The following CREB3L2 variants were observed in gnomAD, a reference collection of about 807,000 sequenced individuals.
CREB3L2 encodes the protein cAMP responsive element binding protein 3 like 2, also known as cyclic AMP-responsive element-binding protein 3-like protein 2.
CREB3L2 carries 23 observed loss-of-function variants against 57.2 expected under a neutral mutation model. The observed-to-expected ratio is 0.40, with a 90% CI of 0.29 to 0.57. The LOEUF (loss-of-function observed/expected upper bound fraction) is 0.57, where lower values mean the gene tolerates loss of function less well. Among genes scored for constraint, CREB3L2 ranks in the 20% least tolerant of loss-of-function variants. The pLI is 0.42. For synonymous variants in CREB3L2, 268 were observed against 265.1 expected (o/e 1.01, Z -0.11); for missense variants, 628 against 634.7 (o/e 0.99, Z 0.11).
intron 1 of CREB3L2, among the ~76,000 whole-genome samples, chr7:137,958,304 C>T (rs948417345): frequency 6.6e-6 from 1 of 152,100 alleles, no homozygotes; most frequent in Non-Finnish European, 1.5e-5. Flanking sequence ...GGAGACAAAC[C>T]ACTGAGATCC....
chr7:137,879,498 GCT>G lies in CREB3L2; in HGVS notation c.*976_*977del, dbSNP rs1799239282. 1 of 329,042 alleles carries G rather than the reference GCT, an allele frequency of 3.0e-6. No individual in the cohort carries two copies. Among genetic ancestry groups the G allele is most frequent in the African/African-American group, 2.1e-5 (1 of 47,210 alleles). 20.4% of individuals were successfully genotyped at this position (329,042 alleles called of 1,614,324 possible). On this transcript the variant is annotated 3_prime_UTR_variant, in exon 12 of 12. Transcript: ENST00000330387. ...TGAGTGAGGCATTGTGTCATCTCTC[GCT>G]CTGAGCTCATCCTAGAGGCAGACAC...
intron 1 of CREB3L2, among the ~76,000 whole-genome samples, chr7:137,936,547 T>A (rs1444348360): frequency 2.6e-5 from 4 of 152,188 alleles, no homozygotes; most frequent in Non-Finnish European, 4.4e-5. Flanking sequence ...TCACCTTTTT[T>A]AAATTCTTAG....
intron 8 of CREB3L2, among the ~76,000 whole-genome samples, chr7:137,890,001 C>A (rs1249907063): frequency 2.0e-5 from 3 of 152,136 alleles, no homozygotes; most frequent in Non-Finnish European, 4.4e-5. Flanking sequence ...CAATAACCTA[C>A]TAAAATTAAT....
chr7:137,927,776 GTTCT>G (rs71998564), intron 2 of CREB3L2, among the ~76,000 whole-genome samples: 1,143 of 109,648 alleles, frequency 0.01, 9 homozygotes, highest in South Asian at 0.046. Context: ...TAGAGGAATA[GTTCT>G]TTCTCAGAAA....
In CREB3L2 at chr7:137,877,126, C is replaced by T. The variant is rs1799172155; in HGVS notation, c.*3350G>A. The T allele has an allele frequency of 8.7e-6, 2 of 228,712 alleles. No homozygotes were observed. The highest frequency in any genetic ancestry group is 4.4e-5 in the African/African-American group (2 of 45,140). The allele number at this position is 228,712 out of a possible 1,614,324, so 14.2% of individuals were successfully genotyped here. On this transcript the variant is annotated 3_prime_UTR_variant, in exon 12 of 12. Transcript: ENST00000330387. ...CCAGAACAAAGAAGAGCCAATTCAA[C>T]ATCCCAACTTTACGGGCACGTAAGA...
At chr7:137,881,647 A>G (rs1251387909) in intron 11 of CREB3L2, among the ~76,000 whole-genome samples, 1 of 152,254 alleles carries the variant, frequency 6.6e-6, no homozygotes, top group Non-Finnish European at 1.5e-5. Flanking sequence ...TCCCATTTAC[A>G]TCGGAACGGC....
chr7:137,878,529 G>A lies in CREB3L2; in HGVS notation c.*1947C>T, dbSNP rs974004920. The A allele has an allele frequency of 3.0e-5, 7 of 233,442 alleles. No homozygotes were observed. Among genetic ancestry groups the A allele is most frequent in the Admixed American group, 5.6e-5 (1 of 17,780 alleles). The allele number at this position is 233,442 out of a possible 1,614,324, so 14.5% of individuals were successfully genotyped here. A position where few individuals can be genotyped will look rare whatever the true frequency, so the allele number is the denominator to read the frequency against. On this transcript the variant is annotated 3_prime_UTR_variant, in exon 12 of 12. Coordinates refer to ENST00000330387, the MANE Select transcript of CREB3L2 (RefSeq NM_194071.4). ...TCTGGGCTGCAGACAGTGGAGCAGA[G>A]AGAAGCAGAAGCAGAACCTACTAGC...
intron 9 of CREB3L2, 23 bp from the exon 10 acceptor site, chr7:137,885,144 A>G: frequency 1.2e-6 from 2 of 1,613,042 alleles, no homozygotes; most frequent in South Asian, 1.1e-5. Flanking sequence ...AAGAGGGGAG[A>G]GAGAACACGA....
chr7:137,977,399 A>T (rs1801627085), intron 1 of CREB3L2, among the ~76,000 whole-genome samples: 2 of 152,244 alleles, frequency 1.3e-5, no homozygotes, highest in Admixed American at 1.3e-4. Context: ...ATTATAAAAT[A>T]AGACTGTGGG....
chr7:137,875,345 C>A lies in CREB3L2; in HGVS notation c.*5131G>T. Reference sequence around the variant, plus strand: ...AAAGAGTGCTGGTGTTCTCTATGAACTCATAAACTGTTTTATCTGAAAAGG... The same window carrying A: ...AAAGAGTGCTGGTGTTCTCTATGAAATCATAAACTGTTTTATCTGAAAAGG... On this transcript the variant is annotated 3_prime_UTR_variant, in exon 12 of 12. Coordinates refer to ENST00000330387, the MANE Select transcript of CREB3L2 (RefSeq NM_194071.4). 1 of 218,694 alleles carries A rather than the reference C, an allele frequency of 4.6e-6. No homozygotes were observed. The highest frequency in any genetic ancestry group is 6.8e-5 in the East Asian group (1 of 14,766). 13.5% of individuals were successfully genotyped at this position (218,694 alleles called of 1,614,324 possible). A position where few individuals can be genotyped will look rare whatever the true frequency, so the allele number is the denominator to read the frequency against.
At chr7:137,975,359 C>G (rs73458446) in intron 1 of CREB3L2, among the ~76,000 whole-genome samples, 6,701 of 152,198 alleles carry the variant, frequency 0.044, 215 homozygotes, top group African/African-American at 0.084. Context: ...TTGCAGAACC[C>G]ACAAATGAGT....
chr7:138,000,292 G>A (rs925004314), intron 1 of CREB3L2, among the ~76,000 whole-genome samples: 1 of 152,230 alleles, frequency 6.6e-6, no homozygotes, highest in Non-Finnish European at 1.5e-5. Flanking sequence ...CATACTCCAA[G>A]TTCTTTACTG....
At position 138,001,215 on chromosome 7, in the gene CREB3L2, T is replaced by C. The variant is rs1802068502; in HGVS notation, c.102+389A>G. On this transcript the variant is annotated intron_variant, in intron 1 of 11. Transcript: ENST00000330387. The surrounding 1 kb of genome is among the most constrained non-coding windows in gnomAD (Gnocchi z 4.2). ...GAGACAGATGAAAAGGAAATGCTAC[T>C]TAATCTTGTCCAGTTTTTGAAAACC... 6.6e-6 allele frequency among the ~76,000 whole-genome samples: 1 copy of C among 151,490 alleles called. No homozygotes were observed. Among genetic ancestry groups the C allele is most frequent in the South Asian group, 2.1e-4 (1 of 4,796 alleles).
rs764906904 is a variant in CREB3L2, at chr7:137,885,467, A to G, written c.1079T>C (p.Leu360Ser). The change falls in exon 9 of 12, where the codon TTG becomes TCG. Residue 360 changes from leucine (L) to serine (S), a missense_variant. By Grantham distance (145) the Leu-to-Ser change is moderately radical. Around this residue, in one of 3 missense-constraint regions of CREB3L2, gnomAD observed 272 missense variants for 242.7 expected, o/e 1.12. Transcript: ENST00000330387. ...GGTTCGAGAAACCTTGCCCATCACC[A>G]AAGTCTGAAGCTTCTGGAGTTGCTG... ...LLQQLQKLQT[L>S]VMGKVSRTCK... 2 of 1,614,112 alleles carry G rather than the reference A, an allele frequency of 1.2e-6. No individual in the cohort carries two copies. Among genetic ancestry groups the G allele is most frequent in the Non-Finnish European group, 1.7e-6 (2 of 1,179,988 alleles).
At chr7:137,888,317 A>G (rs1172052336) in intron 8 of CREB3L2, among the ~76,000 whole-genome samples, 2 of 149,562 alleles carry the variant, frequency 1.3e-5, no homozygotes, top group African/African-American at 4.9e-5. Flanking sequence ...GAAATACTCA[A>G]CAGCATAATT....
chr7:137,924,813 T>C (rs1179293910), intron 2 of CREB3L2, among the ~76,000 whole-genome samples: 3 of 152,196 alleles, frequency 2.0e-5, no homozygotes, highest in Non-Finnish European at 4.4e-5. Context: ...TTGGCTCCTG[T>C]GGTGGCTGGG....
chr7:137,901,177 C>CGT (rs1435214433), intron 8 of CREB3L2, among the ~76,000 whole-genome samples, 177 bp downstream of exon 8: 2 of 152,120 alleles, frequency 1.3e-5, no homozygotes, highest in African/African-American at 4.8e-5. Context: ...CGTGTGCATG[C>CGT]GTGTGTGTGT....
Position 137,916,836 on chromosome 7 carries a change from G to A in CREB3L2, c.320-824C>T, listed in dbSNP as rs34110771. On this transcript the variant is annotated intron_variant, in intron 2 of 11. Transcript: ENST00000330387. ...ACAGCGAGAGCGACAGAGAGAGAGA[G>A]AGAAGCAAGCAAATGGTTGGTAACC... Among the ~76,000 whole-genome samples the A allele has an allele frequency of 5.9e-5, 9 of 152,182 alleles. 1 individual carries two copies. The South Asian group carries it at 1.9e-3, about 32-fold the overall frequency.
chr7:137,901,392 C>G lies in CREB3L2; in HGVS notation c.1005G>C (p.Glu335Asp). 1 of 1,608,552 alleles carries G rather than the reference C, an allele frequency of 6.2e-7. No individual in the cohort carries two copies. Among genetic ancestry groups the G allele is most frequent in the East Asian group, 2.2e-5 (1 of 44,844 alleles). Residue 335 changes from glutamate to aspartate, a missense_variant, in exon 8 of 12, where the codon GAG (glutamate) becomes GAC (aspartate). Transcript: ENST00000330387. ...KVESCSTENLELRKKVEVLEN... is the reference protein window; with the variant it reads ...KVESCSTENLDLRKKVEVLEN... Reference sequence around the variant, plus strand: ...CTAGAACCTCTACCTTCTTCCGAAGCTCCAAGTTCTCAGTTGAACAAGACT... The same window carrying G: ...CTAGAACCTCTACCTTCTTCCGAAGGTCCAAGTTCTCAGTTGAACAAGACT...
Sources: gnomAD v4.1 joint callset for allele counts (sites outside exome capture counted in the v4.1 genomes callset) on GRCh38, gnomAD v4.1.1 for gene constraint, gnomAD v4.1.1 regional missense constraint, Gnocchi (gnomAD v3.1) non-coding constraint, MANE v1.5 for transcripts, NCBI Gene and HGNC (gene_info 2026-07-23, HGNC 2026-07-21) for gene names.